Variants in ITGB2 observed in about 807,000 individuals in gnomAD.
ITGB2 encodes the protein integrin beta-2.
Under a neutral mutation model 86.8 loss-of-function variants are expected in ITGB2, and 56 were observed. The ratio of observed to expected loss-of-function variants is 0.65; its 90% CI spans 0.52 to 0.81. The LOEUF is 0.81. Among genes scored for constraint, ITGB2 ranks in the 30% least tolerant of loss-of-function variants. ITGB2 has a pLI of 0.00. For synonymous variants in ITGB2, 457 were observed against 450.4 expected, an observed-to-expected ratio of 1.01 and a Z score of -0.19; for missense variants, 948 against 1,061.2, an observed-to-expected ratio of 0.89 and a Z score of 1.48.
At chr21:44,886,688 G>A (rs1385078457) in intron 15 of ITGB2, 48 bp downstream of exon 15, 1 of 1,610,600 alleles carries the variant, frequency 6.2e-7, no homozygotes, top group Non-Finnish European at 8.5e-7. Context: ...CGCATAGTGT[G>A]GGACGCACGT....
In ITGB2 at chr21:44,901,511, A is replaced by T; in HGVS notation, c.722T>A (p.Met241Lys). The stretch of plus-strand genomic sequence containing the variant: ...CCTCACCGGGCAGGCGGCGACCTGC[A>T]TCATGGCGTCCAGCCCACCCTCGGG... The part of the protein sequence containing the change: ...DAPEGGLDAM[M>K]QVAACPEEIG... Residue 241 changes from methionine to lysine, a missense_variant, in exon 6 of 16, where the codon ATG becomes AAG. Met to Lys is a moderately conservative substitution (Grantham distance 95). Coordinates refer to ENST00000652462, the MANE Select transcript of ITGB2 (RefSeq NM_000211.5). 6.2e-7 allele frequency: 1 copy of T among 1,614,214 alleles called. No homozygotes were observed. Among genetic ancestry groups the T allele is most frequent in the Non-Finnish European group, 8.5e-7 (1 of 1,180,036 alleles).
At chr21:44,890,360 G>A (rs1265999154) in intron 11 of ITGB2, 138 bp from the exon 12 acceptor site, 1 of 1,083,074 alleles carries the variant, frequency 9.2e-7, no homozygotes. Flanking sequence ...GGCCTACTGA[G>A]CACTTGCCAC....
chr21:44,888,407 G>T (rs768958885), intron 14 of ITGB2, among the ~76,000 whole-genome samples: 48 of 152,390 alleles, frequency 3.1e-4, no homozygotes, highest in Non-Finnish European at 5.3e-4. Context: ...TGGCATGCTG[G>T]TGGGCCTGCC....
At chr21:44,900,276 G>A in intron 7 of ITGB2, 44 bp downstream of exon 7, 2 of 1,612,774 alleles carry the variant, frequency 1.2e-6, no homozygotes, top group Non-Finnish European at 8.5e-7. Context: ...TCCGTCAGTG[G>A]TGTCCTGCCA....
At chr21:44,911,564 C>T (rs1234398210) in intron 1 of ITGB2, 1 of 152,570 alleles carries the variant, frequency 6.6e-6, no homozygotes, top group East Asian at 1.9e-4. Flanking sequence ...CCGCGGGTGC[C>T]AAGCTGTGTG....
chr21:44,894,489 G>GAT, intron 9 of ITGB2: 1 of 235,718 alleles, frequency 4.2e-6, no homozygotes, highest in Non-Finnish European at 8.6e-6. Flanking sequence ...CCAGGGTGCA[G>GAT]CTCGATGGGC....
In ITGB2 at chr21:44,900,302, C is replaced by G. The variant is rs2083932478; in HGVS notation, c.897+18G>C. The G allele has an allele frequency of 6.2e-7, 1 of 1,614,016 alleles. No homozygotes were observed. Among genetic ancestry groups the G allele is most frequent in the Admixed American group, 1.7e-5 (1 of 60,006 alleles). ...TGTCCTGCCAGGCGGTGCCTGGGTG[C>G]CTGGGGTGGGGACTTACGAATTCGT... On this transcript the variant is annotated intron_variant, in intron 7 of 15. Coordinates refer to ENST00000652462, the MANE Select transcript of ITGB2 (RefSeq NM_000211.5).
intron 10 of ITGB2, 94 bp from the exon 11 acceptor site, chr21:44,892,090 T>TG (rs1450527739): frequency 3.1e-6 from 4 of 1,290,162 alleles, no homozygotes; most frequent in African/African-American, 1.5e-5. Flanking sequence ...GCAGGGGTCC[T>TG]GGGGGGTTCA....
intron 3 of ITGB2, chr21:44,908,119 C>G: frequency 1.4e-6 from 1 of 728,578 alleles, no homozygotes; most frequent in Non-Finnish European, 2.6e-6. Flanking sequence ...ACGGGAGCCA[C>G]CCGGCTTCTC....
At chr21:44,909,584 G>A (rs1400996758) in intron 3 of ITGB2, 7 of 152,360 alleles carry the variant, frequency 4.6e-5, no homozygotes, top group Non-Finnish European at 1.0e-4. Flanking sequence ...AGTGCAGGGT[G>A]AGCCTGAGTG....
intron 8 of ITGB2, among the ~76,000 whole-genome samples, 186 bp downstream of exon 8, chr21:44,898,881 G>A (rs1244803388): frequency 2.0e-5 from 3 of 152,184 alleles, no homozygotes; most frequent in Non-Finnish European, 4.4e-5. Flanking sequence ...CTATCGACAC[G>A]CAGGCGTCCT....
chr21:44,886,972 G>A (rs1326902290), intron 14 of ITGB2, 70 bp from the exon 15 acceptor site: 20 of 1,581,290 alleles, frequency 1.3e-5, no homozygotes, highest in African/African-American at 4.0e-5. Context: ...CCACAGGTCC[G>A]AGGTCACCCC....
chr21:44,913,098 C>A, intron 1 of ITGB2, among the ~76,000 whole-genome samples: 1 of 132,606 alleles, frequency 7.5e-6, no homozygotes, highest in Middle Eastern at 3.8e-3. Context: ...TCAGGACTCC[C>A]CCAGGGTGCA....
upstream of ITGB2, among the ~76,000 whole-genome samples, chr21:44,923,955 CA>C (rs2084340759): frequency 6.6e-6 from 1 of 152,070 alleles, no homozygotes; most frequent in Non-Finnish European, 1.5e-5. Context: ...GAAATCAAAG[CA>C]AAATGCATCA....
chr21:44,921,564 C>T (rs890615045), upstream of ITGB2, among the ~76,000 whole-genome samples: 2 of 151,422 alleles, frequency 1.3e-5, no homozygotes, highest in African/African-American at 4.9e-5. Context: ...AGGGAAAATA[C>T]TACAGGCTCA....
intron 12 of ITGB2, 118 bp from the exon 13 acceptor site, chr21:44,889,613 C>A: frequency 9.7e-7 from 1 of 1,026,908 alleles, no homozygotes; most frequent in South Asian, 1.4e-5. Flanking sequence ...GGGGGATGTT[C>A]CTGAGCAAAA....
chr21:44,917,087 G>A (rs2084223114), intron 1 of ITGB2, among the ~76,000 whole-genome samples: 1 of 152,164 alleles, frequency 6.6e-6, no homozygotes, highest in South Asian at 2.1e-4. Context: ...CCCTGAGCAG[G>A]TAATTCACAA....
upstream of ITGB2, among the ~76,000 whole-genome samples, chr21:44,924,255 C>A (rs978051401): frequency 2.6e-5 from 4 of 151,322 alleles, no homozygotes; most frequent in African/African-American, 9.7e-5. Context: ...CATGGCAAAA[C>A]CCTGTCTCTA....
chr21:44,888,674 T>A lies in ITGB2; in HGVS notation c.2080+19A>T. On this transcript the variant is annotated intron_variant, in intron 14 of 15. Coordinates refer to ENST00000652462, the MANE Select transcript of ITGB2 (RefSeq NM_000211.5). ...CCGGAGCTCTGGAGCCGGTCCCCGC[T>A]GCACCCCAGCGGCCTCACCTCGGCT... 6.2e-7 allele frequency: 1 copy of A among 1,604,394 alleles called. No homozygotes were observed. Among genetic ancestry groups the A allele is most frequent in the Non-Finnish European group, 8.5e-7 (1 of 1,179,694 alleles).
Sources: allele counts gnomAD v4.1 joint callset (sites outside exome capture counted in the v4.1 genomes callset), GRCh38; gene constraint gnomAD v4.1.1; transcripts MANE v1.5; gene names NCBI Gene and HGNC (gene_info 2026-07-23, HGNC 2026-07-21).